CTSW: variants seen among roughly 807,000 people sequenced by gnomAD.
CTSW encodes cathepsin W, also known as lymphopain.
A neutral mutation model predicts 43.8 loss-of-function variants in CTSW; 42 were observed. The ratio of observed to expected loss-of-function variants is 0.96; its 90% CI spans 0.75 to 1.24. The LOEUF (loss-of-function observed/expected upper bound fraction) is 1.24. CTSW is among the 50% of genes most tolerant of loss of function. The pLI is 0.00. For missense variants in CTSW, 475 were observed against 479.9 expected (o/e 0.99, Z 0.09); for synonymous variants, 191 against 184.8 (o/e 1.03, Z -0.27).
chr11:65,883,595 C>T lies in CTSW; in HGVS notation c.1108C>T (p.Pro370Ser). 6.2e-7 allele frequency: 1 copy of T among 1,613,980 alleles called. No homozygotes were observed. The highest frequency in any genetic ancestry group is 8.5e-7 in the Non-Finnish European group (1 of 1,179,878). ...TARVQKPDMK[P>S]RVSCPP is the part of the protein sequence containing the mutation. ...CCGTGTGCAGAAACCGGATATGAAG[C>T]CCCGAGTCTCCTGCCCTCCCTGAAC... The change falls in exon 10 of 10, where the codon CCC becomes TCC. Residue 370 changes from proline (P) to serine (S), a missense_variant. Coordinates refer to ENST00000307886, the MANE Select transcript of CTSW (RefSeq NM_001335.4).
intron 1 of CTSW, 129 bp downstream of exon 1, chr11:65,880,070 G>C: frequency 8.5e-7 from 1 of 1,179,222 alleles, no homozygotes; most frequent in South Asian, 1.3e-5. Context: ...ACGTGCCCAA[G>C]GGCACATGGG....
At chr11:65,881,220 C>A (rs1215334704) in intron 2 of CTSW, among the ~76,000 whole-genome samples, 187 bp from the exon 3 acceptor site, 4 of 152,148 alleles carry the variant, frequency 2.6e-5, no homozygotes, top group Admixed American at 1.3e-4. Flanking sequence ...CTGGGGAAAA[C>A]CCAACCCTCG....
In CTSW at chr11:65,883,670, A is replaced by G. The variant is rs534423985; in HGVS notation, c.*52A>G. 1.6e-5 allele frequency: 24 copies of G among 1,529,664 alleles called. No individual in the cohort carries two copies. The Admixed American group carries it at 2.4e-4, about 15-fold the overall frequency. 94.8% of individuals were successfully genotyped at this position (1,529,664 alleles called of 1,614,324 possible). A position where few individuals can be genotyped will look rare whatever the true frequency, so the allele number is the denominator to read the frequency against. ...CTGTTAGGCCAACTGCCTCCTTGCC[A>G]GCCCCACCCCCAGGTTTTTGCCCAT... On this transcript the variant is annotated 3_prime_UTR_variant, in exon 10 of 10. Coordinates refer to ENST00000307886, the MANE Select transcript of CTSW (RefSeq NM_001335.4).
chr11:65,880,301 A>C lies in CTSW; in HGVS notation c.172+15A>C, dbSNP rs568319088. The C allele has an allele frequency of 5.6e-6, 9 of 1,601,098 alleles. No homozygotes were observed. In the East Asian group the frequency reaches 2.0e-4, roughly 36 times the overall value. ...GAGCCCAGAAGGTATCACAGGGCAC[A>C]TACATCTCCAGTCCAAGCCCCCACT... is the stretch of plus-strand genomic sequence containing the variant. On this transcript the variant is annotated intron_variant, in intron 2 of 9. Coordinates refer to ENST00000307886, the MANE Select transcript of CTSW (RefSeq NM_001335.4).
In CTSW at chr11:65,881,403, C is replaced by T. The variant is rs750571192; in HGVS notation, c.173-4C>T. 3.2e-6 allele frequency: 5 copies of T among 1,586,372 alleles called. No homozygotes were observed. In the East Asian group the frequency reaches 1.2e-4, roughly 37 times the overall value. On this transcript the variant is annotated splice_polypyrimidine_tract_variant and splice_region_variant and intron_variant, in intron 2 of 9. Coordinates refer to ENST00000307886, the MANE Select transcript of CTSW (RefSeq NM_001335.4). The stretch of plus-strand genomic sequence containing the variant: ...CAGCCTAGGACAACTCCCTTTTGGT[C>T]CAGAGCATGCTCACCGCCTGGACAT...
intron 3 of CTSW, 38 bp from the exon 4 acceptor site, chr11:65,882,137 T>A (rs1181060143): frequency 6.2e-7 from 1 of 1,606,414 alleles, no homozygotes; most frequent in South Asian, 1.1e-5. Context: ...GGAGAAGGGG[T>A]CAAAATGGAG....
chr11:65,882,677 G>A lies in CTSW; in HGVS notation c.607G>A (p.Val203Ile), dbSNP rs747066710. ...CTTCGTCTGGGACGCGTTCATAACTGTCCTCAACAACAGTGAGTGCACTGC... is the reference window on the plus strand; with the variant it reads ...CTTCGTCTGGGACGCGTTCATAACTATCCTCAACAACAGTGAGTGCACTGC... ...GGFVWDAFITVLNNSGLASEK... is the reference protein window; with the variant it reads ...GGFVWDAFITILNNSGLASEK... The change falls in exon 6 of 10, where the codon GTC becomes ATC. Residue 203 changes from valine to isoleucine, a missense_variant. Val to Ile is a conservative substitution (Grantham distance 29). Coordinates refer to ENST00000307886, the MANE Select transcript of CTSW (RefSeq NM_001335.4). 6.2e-7 allele frequency: 1 copy of A among 1,613,854 alleles called. No individual in the cohort carries two copies. The highest frequency in any genetic ancestry group is 1.3e-5 in the African/African-American group (1 of 74,884).
intron 1 of CTSW, 38 bp from the exon 2 acceptor site, chr11:65,880,164 C>T: frequency 6.4e-7 from 1 of 1,572,770 alleles, no homozygotes; most frequent in African/African-American, 1.3e-5. Flanking sequence ...AATGATTCCT[C>T]TGCCCACTGC....
Position 65,883,718 on chromosome 11 carries a change from G to A in CTSW, c.*100G>A. On this transcript the variant is annotated 3_prime_UTR_variant, in exon 10 of 10. Coordinates refer to ENST00000307886, the MANE Select transcript of CTSW (RefSeq NM_001335.4). Reference sequence around the variant, plus strand: ...CATCCTCCCAATCTCAATACAGCCTGAATAAACCAAGACAAGACCTCTGGC... The same window carrying A: ...CATCCTCCCAATCTCAATACAGCCTAAATAAACCAAGACAAGACCTCTGGC... 9.1e-7 allele frequency: 1 copy of A among 1,094,710 alleles called. No homozygotes were observed. The allele number at this position is 1,094,710 out of a possible 1,614,324, so 67.8% of individuals were successfully genotyped here. A position where few individuals can be genotyped will look rare whatever the true frequency, so the allele number is the denominator to read the frequency against.
chr11:65,880,032 G>A lies in CTSW; in HGVS notation c.87+91G>A, dbSNP rs1860086215. On this transcript the variant is annotated intron_variant, in intron 1 of 9. Transcript: ENST00000307886. The stretch of plus-strand genomic sequence containing the variant: ...GGCCTGTCATTCTCATTTTTCAGAG[G>A]GAGTTGCTGAGGCTGGAGAGGGGGC... 1.3e-5 allele frequency: 17 copies of A among 1,321,924 alleles called. 1 individual carries two copies. In the South Asian group the frequency reaches 2.0e-4, roughly 16 times the overall value. 81.9% of individuals were successfully genotyped at this position (1,321,924 alleles called of 1,614,324 possible).
In CTSW at chr11:65,880,002, C is replaced by G. The variant is rs1198434864; in HGVS notation, c.87+61C>G. ...ACGCCTGGGGTCACCCCTTCAGAAA[C>G]AGCTGGCCTGTCATTCTCATTTTTC... On this transcript the variant is annotated intron_variant, in intron 1 of 9. Coordinates refer to ENST00000307886, the MANE Select transcript of CTSW (RefSeq NM_001335.4). 10 of 1,441,020 alleles carry G rather than the reference C, an allele frequency of 6.9e-6. No homozygotes were observed. In the East Asian group the frequency reaches 2.2e-4, roughly 31 times the overall value. The allele number at this position is 1,441,020 out of a possible 1,614,324, so 89.3% of individuals were successfully genotyped here. A position where few individuals can be genotyped will look rare whatever the true frequency, so the allele number is the denominator to read the frequency against.
rs200433514 is a variant in CTSW, at chr11:65,883,482, C to T, written c.1021-26C>T. 1.1e-3 allele frequency: 1,739 copies of T among 1,611,520 alleles called. 7 individuals carry two copies. The highest frequency in any genetic ancestry group is 1.2e-3 in the Non-Finnish European group (1,457 of 1,177,992). ...CAGAACAGGCCTCTTCCCACCTTCC[C>T]GCCCCTATGTCCCCTAACCTCCTAG... On this transcript the variant is annotated intron_variant, in intron 9 of 9. Transcript: ENST00000307886.
rs1306365212 is a variant in CTSW at position 65,882,259 on chromosome 11, C to T, written c.371C>T (p.Pro124Leu). The change falls in exon 4 of 10, where the codon CCA becomes CTA. Residue 124 changes from proline (P) to leucine (L), a missense_variant. Pro to Leu is a moderately conservative substitution (Grantham distance 98, BLOSUM62 -3). Coordinates refer to ENST00000307886, the MANE Select transcript of CTSW (RefSeq NM_001335.4). The stretch of plus-strand genomic sequence containing the variant: ...GGCAGAGAAATAAGGTCTGAAGAGC[C>T]AGAGGAGTCAGTACCTTTCAGCTGT... ...SMGREIRSEEPEESVPFSCDW... is the reference protein window; with the variant it reads ...SMGREIRSEELEESVPFSCDW... 2 of 1,614,160 alleles carry T rather than the reference C, an allele frequency of 1.2e-6. No individual in the cohort carries two copies. The highest frequency in any genetic ancestry group is 2.2e-5 in the South Asian group (2 of 91,086).
At position 65,883,088 on chromosome 11, in the gene CTSW, C is replaced by T; in HGVS notation, c.765C>T (p.Ala255=). The change falls in exon 8 of 10, where the codon GCC becomes GCT. Residue 255 remains alanine, a synonymous_variant. Coordinates refer to ENST00000307886, the MANE Select transcript of CTSW (RefSeq NM_001335.4). ...NNEHRIAQYL[A]TYGPITVTIN... Reference sequence around the variant, plus strand: ...CCCCAGGAATTGCGCAGTACCTGGCCACTTATGGCCCCATCACCGTGACCA... The same window carrying T: ...CCCCAGGAATTGCGCAGTACCTGGCTACTTATGGCCCCATCACCGTGACCA... 6.2e-7 allele frequency: 1 copy of T among 1,614,104 alleles called. No individual in the cohort carries two copies. Among genetic ancestry groups the T allele is most frequent in the Admixed American group, 1.7e-5 (1 of 60,018 alleles).
Position 65,882,537 on chromosome 11 carries a change from G to C in CTSW, c.538+11G>C. 6.2e-7 allele frequency: 1 copy of C among 1,614,162 alleles called. No individual in the cohort carries two copies. Among genetic ancestry groups the C allele is most frequent in the African/African-American group, 1.3e-5 (1 of 75,064 alleles). ...ATGTCTCCGTGCAGGGTAGGGTTGGGAGAGGGTGCGCGTGTGACAGGGGAG... is the reference window on the plus strand; with the variant it reads ...ATGTCTCCGTGCAGGGTAGGGTTGGCAGAGGGTGCGCGTGTGACAGGGGAG... On this transcript the variant is annotated intron_variant, in intron 5 of 9. Coordinates refer to ENST00000307886, the MANE Select transcript of CTSW (RefSeq NM_001335.4).
At position 65,883,096 on chromosome 11, in the gene CTSW, G is replaced by T. The variant is rs1273552217; in HGVS notation, c.773G>T (p.Gly258Val). The change falls in exon 8 of 10, where the codon GGC becomes GTC. Residue 258 changes from glycine (G) to valine (V), a missense_variant. Coordinates refer to ENST00000307886, the MANE Select transcript of CTSW (RefSeq NM_001335.4). Reference protein sequence around the residue: ...HRIAQYLATYGPITVTINMKP... With the variant: ...HRIAQYLATYVPITVTINMKP... ...ATTGCGCAGTACCTGGCCACTTATG[G>T]CCCCATCACCGTGACCATCAACATG... is the stretch of plus-strand genomic sequence containing the variant. 1.9e-6 allele frequency: 3 copies of T among 1,614,000 alleles called. No homozygotes were observed. In the African/African-American group the frequency reaches 4.0e-5, roughly 22 times the overall value.
chr11:65,883,539 C>G lies in CTSW; in HGVS notation c.1052C>G (p.Thr351Ser). The G allele has an allele frequency of 6.2e-7, 1 of 1,614,082 alleles. No homozygotes were observed. Among genetic ancestry groups the G allele is most frequent in the East Asian group, 2.2e-5 (1 of 44,882 alleles). The change falls in exon 10 of 10, where the codon ACC becomes AGC. Residue 351 changes from threonine (T) to serine (S), a missense_variant. Coordinates refer to ENST00000307886, the MANE Select transcript of CTSW (RefSeq NM_001335.4). Reference sequence around the variant, plus strand: ...TTCCGGCTGCACCGAGGGAGCAATACCTGTGGCATCACCAAGTTCCCGCTC... The same window carrying G: ...TTCCGGCTGCACCGAGGGAGCAATAGCTGTGGCATCACCAAGTTCCCGCTC... ...GYFRLHRGSN[T>S]CGITKFPLTA...
intron 8 of CTSW, 29 bp downstream of exon 8, chr11:65,883,162 G>A (rs763091437): frequency 6.2e-7 from 1 of 1,613,862 alleles, no homozygotes; most frequent in South Asian, 1.1e-5. Flanking sequence ...TGGGGAAGGG[G>A]CATACAGGAG....
intron 2 of CTSW, 39 bp from the exon 3 acceptor site, chr11:65,881,368 G>T: frequency 2.1e-6 from 3 of 1,456,228 alleles, no homozygotes; most frequent in Non-Finnish European, 2.8e-6. Flanking sequence ...GCCCCTAAGG[G>T]CTTGGGAGTC....
Sources: allele counts gnomAD v4.1 joint callset (sites outside exome capture counted in the v4.1 genomes callset), GRCh38; gene constraint gnomAD v4.1.1; transcripts MANE v1.5; gene names NCBI Gene and HGNC (gene_info 2026-07-23, HGNC 2026-07-21).